Variants in CCBE1 observed in about 807,000 individuals in gnomAD.
CCBE1 encodes collagen and calcium binding EGF domains 1, also known as collagen and calcium-binding EGF domain-containing protein 1.
A neutral mutation model predicts 50.0 loss-of-function variants in CCBE1; 37 were observed. The observed-to-expected ratio is 0.74, with a 90% CI of 0.57 to 0.97. The LOEUF (loss-of-function observed/expected upper bound fraction) is 0.97, where lower values mean the gene tolerates loss of function less well. Ranked by LOEUF, CCBE1 falls within the 50% of genes least tolerant of loss-of-function variation. The pLI, the probability that CCBE1 is intolerant of heterozygous loss-of-function variation, is 0.00. For synonymous variants in CCBE1, 234 were observed against 203.7 expected, an observed-to-expected ratio of 1.15 and a Z score of -1.27; for missense variants, 538 against 523.8, an observed-to-expected ratio of 1.03 and a Z score of -0.26.
chr18:59,697,383 C>G lies in CCBE1; in HGVS notation c.-41G>C. ...CTTCTTCCCAGCGCCGAGCTCCGTC[C>G]GGACCAAGCGTCCTGCTCCTCCGCG... On this transcript the variant is annotated 5_prime_UTR_variant, in exon 1 of 11. Transcript: ENST00000439986. 5 of 1,535,072 alleles carry G rather than the reference C, an allele frequency of 3.3e-6. No homozygotes were observed. The highest frequency in any genetic ancestry group is 3.5e-6 in the Non-Finnish European group (4 of 1,142,412).
At chr18:59,451,804 A>G (rs1236831830) in intron 6 of CCBE1, among the ~76,000 whole-genome samples, 1 of 152,104 alleles carries the variant, frequency 6.6e-6, no homozygotes, top group Non-Finnish European at 1.5e-5. Flanking sequence ...GTACCCCAGA[A>G]ATTAAAAATA....
At chr18:59,622,569 G>A (rs1007175026) in intron 2 of CCBE1, among the ~76,000 whole-genome samples, 1 of 151,224 alleles carries the variant, frequency 6.6e-6, no homozygotes, top group Non-Finnish European at 1.5e-5. Context: ...TTGGGAGGCT[G>A]AGGCAGGTAG....
At chr18:59,524,174 G>A (rs1035745134) in intron 2 of CCBE1, among the ~76,000 whole-genome samples, 1 of 152,076 alleles carries the variant, frequency 6.6e-6, no homozygotes, top group South Asian at 2.1e-4. Context: ...TATAAAAATT[G>A]CCAGACATGG....
intron 2 of CCBE1, among the ~76,000 whole-genome samples, chr18:59,580,552 A>T (rs75599000): frequency 0.013 from 1,926 of 152,340 alleles, 33 homozygotes; most frequent in African/African-American, 0.043. Flanking sequence ...TTCAGGGATC[A>T]GAATCGAAGG....
chr18:59,599,883 T>G (rs1478086877), intron 2 of CCBE1, among the ~76,000 whole-genome samples: 2 of 152,168 alleles, frequency 1.3e-5, no homozygotes, highest in Non-Finnish European at 2.9e-5. Flanking sequence ...AACAAAATAT[T>G]CCATGACTTT....
chr18:59,541,822 C>A (rs943561570), intron 2 of CCBE1, among the ~76,000 whole-genome samples: 1 of 151,972 alleles, frequency 6.6e-6, no homozygotes, highest in African/African-American at 2.4e-5. Flanking sequence ...GCTGCTATCA[C>A]CAAGCAAGGT....
chr18:59,658,633 G>C (rs1375599990), intron 2 of CCBE1, among the ~76,000 whole-genome samples: 3 of 149,850 alleles, frequency 2.0e-5, no homozygotes, highest in Admixed American at 2.0e-4. Flanking sequence ...TGTAATCCCA[G>C]CACTTTGGGA....
At chr18:59,526,536 C>A (rs1021082026) in intron 2 of CCBE1, among the ~76,000 whole-genome samples, 1 of 152,040 alleles carries the variant, frequency 6.6e-6, no homozygotes, top group Non-Finnish European at 1.5e-5. Flanking sequence ...GTCTCGAACT[C>A]CTGACCTCGT....
chr18:59,651,978 T>TC (rs1414628586), intron 2 of CCBE1, among the ~76,000 whole-genome samples: 8 of 152,336 alleles, frequency 5.3e-5, no homozygotes, highest in Non-Finnish European at 1.5e-5. Flanking sequence ...ATTCCTTCTA[T>TC]CTTACTGTAT....
At chr18:59,697,090 C>T (rs2054818107) in intron 1 of CCBE1, 122 bp downstream of exon 1, 8 of 1,350,180 alleles carry the variant, frequency 5.9e-6, no homozygotes, top group Non-Finnish European at 8.2e-6. Flanking sequence ...CTCCTTATCC[C>T]CGGAGAAGTG....
intron 2 of CCBE1, among the ~76,000 whole-genome samples, chr18:59,596,516 C>G (rs1044705869): frequency 1.3e-5 from 2 of 152,138 alleles, no homozygotes; most frequent in Admixed American, 6.5e-5. Flanking sequence ...AGACTTTGGT[C>G]TTGGCTATGA....
At chr18:59,552,988 C>T (rs1245404773) in intron 2 of CCBE1, among the ~76,000 whole-genome samples, 1 of 152,114 alleles carries the variant, frequency 6.6e-6, no homozygotes, top group Non-Finnish European at 1.5e-5. Context: ...GTAGTCTCCT[C>T]TAGTTGCATT....
intron 6 of CCBE1, 101 bp downstream of exon 6, chr18:59,454,750 C>G: frequency 9.6e-7 from 1 of 1,046,480 alleles, no homozygotes; most frequent in South Asian, 1.3e-5. Context: ...TGCGTGAATG[C>G]TCAATGTGGA....
At chr18:59,496,735 C>T (rs1043159399) in intron 2 of CCBE1, among the ~76,000 whole-genome samples, 1 of 152,194 alleles carries the variant, frequency 6.6e-6, no homozygotes, top group African/African-American at 2.4e-5. Context: ...AGGGGCTGCT[C>T]GGCAACTCAG....
intron 2 of CCBE1, among the ~76,000 whole-genome samples, chr18:59,625,995 A>G (rs2053779334): frequency 6.6e-6 from 1 of 152,184 alleles, no homozygotes; most frequent in Non-Finnish European, 1.5e-5. Flanking sequence ...ATATTTTTAA[A>G]TTACCCAGTC....
At chr18:59,452,657 A>G (rs943920700) in intron 6 of CCBE1, among the ~76,000 whole-genome samples, 1 of 152,184 alleles carries the variant, frequency 6.6e-6, no homozygotes, top group Non-Finnish European at 1.5e-5. Context: ...TAGAAATGAG[A>G]GGACCTAGGT....
intron 2 of CCBE1, among the ~76,000 whole-genome samples, chr18:59,608,195 A>G (rs2053526230): frequency 6.6e-6 from 1 of 152,254 alleles, no homozygotes; most frequent in South Asian, 2.1e-4. Flanking sequence ...TGAAAATTAA[A>G]GAGAAATATA....
At position 59,673,367 on chromosome 18, in the gene CCBE1, C is replaced by T. The variant is rs570337454; in HGVS notation, c.212+23262G>A. On this transcript the variant is annotated intron_variant, in intron 2 of 10. Transcript: ENST00000439986. The stretch of plus-strand genomic sequence containing the variant: ...TTGGGAAGCTGAGACAGGAGAATTG[C>T]TTGAACCCAGGATGTGGAGGTTGTA... Among the ~76,000 whole-genome samples, 20 of 152,254 alleles carry T rather than the reference C, an allele frequency of 1.3e-4. No individual in the cohort carries two copies. The South Asian group carries it at 3.3e-3, about 25-fold the overall frequency.
At chr18:59,639,442 A>G (rs2053955715) in intron 2 of CCBE1, among the ~76,000 whole-genome samples, 1 of 152,224 alleles carries the variant, frequency 6.6e-6, no homozygotes, top group Admixed American at 6.5e-5. Flanking sequence ...ATAAAACTCA[A>G]TGCCCCTTCA....
Sources: allele counts gnomAD v4.1 joint callset (sites outside exome capture counted in the v4.1 genomes callset), GRCh38; gene constraint gnomAD v4.1.1; transcripts MANE v1.5; gene names NCBI Gene and HGNC (gene_info 2026-07-23, HGNC 2026-07-21).